RFX7: variants seen among roughly 807,000 people sequenced by gnomAD.
RFX7 encodes DNA-binding protein RFX7.
In RFX7, 26 loss-of-function variants were observed where a neutral mutation model predicts 111.8. The ratio of observed to expected loss-of-function variants is 0.23; its 90% confidence interval spans 0.17 to 0.32. The LOEUF (loss-of-function observed/expected upper bound fraction) is 0.32. RFX7 is among the 10% of genes least tolerant of loss of function. The pLI is 1.00. For missense variants in RFX7, 1,573 were observed against 1,772.9 expected (o/e 0.89, Z 2.02); for synonymous variants, 624 against 624.4 (o/e 1.00, Z 0.01).
intron 2 of RFX7, among the ~76,000 whole-genome samples, chr15:56,239,425 C>T (rs2043661847): frequency 6.6e-6 from 1 of 151,954 alleles, no homozygotes; most frequent in South Asian, 2.1e-4. Context: ...GGCACCACCA[C>T]CCTCGGCTAA....
At chr15:56,140,097 G>T (rs1246633400) in intron 5 of RFX7, among the ~76,000 whole-genome samples, 1 of 152,172 alleles carries the variant, frequency 6.6e-6, no homozygotes, top group East Asian at 1.9e-4. Context: ...CCCAGAGGTG[G>T]AGCCTACAGA....
chr15:56,174,815 A>G (rs770198815), intron 3 of RFX7, among the ~76,000 whole-genome samples: 1 of 152,122 alleles, frequency 6.6e-6, no homozygotes, highest in Non-Finnish European at 1.5e-5. Context: ...TAGAAACAGA[A>G]AGTAACATGT....
intron 2 of RFX7, among the ~76,000 whole-genome samples, chr15:56,205,068 A>G (rs1330331910): frequency 6.6e-6 from 1 of 152,222 alleles, no homozygotes; most frequent in Non-Finnish European, 1.5e-5. Flanking sequence ...TGGCTTGTGG[A>G]GAGCATTTCA....
At chr15:56,128,459 C>A (rs751188293) in intron 5 of RFX7, among the ~76,000 whole-genome samples, 2 of 152,126 alleles carry the variant, frequency 1.3e-5, no homozygotes, top group African/African-American at 4.8e-5. Context: ...ACACTATATT[C>A]AGTTCATCTA....
chr15:56,182,250 T>C (rs1216730392), intron 2 of RFX7, among the ~76,000 whole-genome samples: 1 of 152,114 alleles, frequency 6.6e-6, no homozygotes, highest in Non-Finnish European at 1.5e-5. Flanking sequence ...TTATCTTCCA[T>C]GAATTTGGTC....
chr15:56,197,018 G>A (rs2141173654), intron 2 of RFX7, among the ~76,000 whole-genome samples: 1 of 152,214 alleles, frequency 6.6e-6, no homozygotes, highest in Non-Finnish European at 1.5e-5. Context: ...TCCATCAGCT[G>A]TGTATAAGAC....
intron 5 of RFX7, among the ~76,000 whole-genome samples, chr15:56,109,666 G>C (rs551513313): frequency 6.6e-6 from 1 of 150,706 alleles, no homozygotes; most frequent in Admixed American, 6.6e-5. Context: ...GCCGCCCATC[G>C]TCTGAGATGC....
At chr15:56,123,109 T>A (rs1241584920) in intron 5 of RFX7, among the ~76,000 whole-genome samples, 2 of 152,128 alleles carry the variant, frequency 1.3e-5, no homozygotes, top group Non-Finnish European at 2.9e-5. Flanking sequence ...TTCTTCCCTC[T>A]GCTTTTTCCA....
At chr15:56,101,314 A>T in intron 8 of RFX7, 45 bp downstream of exon 8, 4 of 1,462,000 alleles carry the variant, frequency 2.7e-6, no homozygotes, top group Non-Finnish European at 3.8e-6. Flanking sequence ...TCTAAATACA[A>T]TAATACCTCT....
intron 2 of RFX7, among the ~76,000 whole-genome samples, chr15:56,182,768 C>T (rs1475318918): frequency 6.6e-6 from 1 of 152,000 alleles, no homozygotes; most frequent in Non-Finnish European, 1.5e-5. Flanking sequence ...ATGTAGCTTC[C>T]AGTTTTTCTA....
At chr15:56,172,999 A>G (rs1394311080) in intron 3 of RFX7, among the ~76,000 whole-genome samples, 1 of 152,224 alleles carries the variant, frequency 6.6e-6, no homozygotes, top group African/African-American at 2.4e-5. Context: ...AGACCTGAAA[A>G]AGAAAAAAAC....
intron 8 of RFX7, among the ~76,000 whole-genome samples, chr15:56,098,747 C>T (rs2041715501): frequency 6.6e-6 from 1 of 152,202 alleles, no homozygotes; most frequent in Non-Finnish European, 1.5e-5. Flanking sequence ...TTTCCCTCCC[C>T]CCATTTCTAA....
At chr15:56,098,957 T>C (rs2041718158) in intron 8 of RFX7, among the ~76,000 whole-genome samples, 1 of 152,186 alleles carries the variant, frequency 6.6e-6, no homozygotes, top group South Asian at 2.1e-4. Context: ...CAGTATGACC[T>C]AGAAGAAATT....
intron 2 of RFX7, among the ~76,000 whole-genome samples, chr15:56,195,422 A>G (rs2043138542): frequency 6.6e-6 from 1 of 152,188 alleles, no homozygotes; most frequent in African/African-American, 2.4e-5. Flanking sequence ...ATAAAAAATA[A>G]TTAGGATCAT....
intron 2 of RFX7, among the ~76,000 whole-genome samples, chr15:56,215,460 T>G (rs2043354379): frequency 6.6e-6 from 1 of 152,212 alleles, no homozygotes; most frequent in Non-Finnish European, 1.5e-5. Context: ...ATCAAATAAC[T>G]TGACTTCCCT....
rs2041622783 is a variant in RFX7 at position 56,093,481 on chromosome 15, T to C, written c.4247A>G (p.Asp1416Gly). The stretch of plus-strand genomic sequence containing the variant: ...CTTTAATTCTTCCAGTGTAGCTTCA[T>C]CATCTTGTCCCTGCTGACGACCTGG... ...FDPGRQQGQD[D>G]EATLEELKND... is the part of the protein sequence containing the mutation. Residue 1416 changes from aspartate to glycine, a missense_variant, in exon 10 of 10, where the codon GAT becomes GGT. Physicochemically the swap from Asp to Gly is moderately conservative, Grantham distance 94. Coordinates refer to ENST00000559447, the MANE Select transcript of RFX7 (RefSeq NM_022841.7). The C allele has an allele frequency of 1.9e-6, 3 of 1,613,938 alleles. No homozygotes were observed. Among genetic ancestry groups the C allele is most frequent in the Non-Finnish European group, 2.5e-6 (3 of 1,179,842 alleles).
At chr15:56,199,436 A>G (rs1202193878) in intron 2 of RFX7, among the ~76,000 whole-genome samples, 7 of 152,160 alleles carry the variant, frequency 4.6e-5, no homozygotes, top group Non-Finnish European at 1.0e-4. Context: ...GGATTGTAAA[A>G]ATATGTATTT....
chr15:56,223,637 T>G (rs1301792017), intron 2 of RFX7, among the ~76,000 whole-genome samples: 1 of 152,196 alleles, frequency 6.6e-6, no homozygotes, highest in Non-Finnish European at 1.5e-5. Flanking sequence ...TACATACTCA[T>G]CAAGAAAACT....
chr15:56,186,747 A>G, intron 2 of RFX7, among the ~76,000 whole-genome samples: 1 of 152,154 alleles, frequency 6.6e-6, no homozygotes. Flanking sequence ...GTTTTATACC[A>G]GTGTTAATGG....
Sources: allele counts gnomAD v4.1 joint callset (sites outside exome capture counted in the v4.1 genomes callset), GRCh38; gene constraint gnomAD v4.1.1; transcripts MANE v1.5; gene names NCBI Gene and HGNC (gene_info 2026-07-23, HGNC 2026-07-21).